CLIC2: variants seen among roughly 807,000 people sequenced by gnomAD.
CLIC2 encodes chloride intracellular channel protein 2.
Under a neutral mutation model 14.8 loss-of-function variants are expected in CLIC2, and 9 were observed. The observed-to-expected ratio is 0.61, with a 90% CI of 0.37 to 1.06. CLIC2 has a LOEUF of 1.06. CLIC2 is among the 50% of genes least tolerant of loss of function. The probability of loss-of-function intolerance (pLI) is 0.01; values close to 1 mark genes in which losing one functional copy is unlikely to be tolerated. For synonymous variants in CLIC2, 61 were observed against 66.3 expected, an observed-to-expected ratio of 0.92 and a Z score of 0.39; for missense variants, 148 against 181.4, an observed-to-expected ratio of 0.82 and a Z score of 1.06.
Position 155,282,324 on chromosome X carries a change from CCTT to C in CLIC2, c.294-2259_294-2257del, listed in dbSNP as rs202063774. 1.0e-3 allele frequency among the ~76,000 whole-genome samples: 114 copies of C among 111,794 alleles called. No individual in the cohort carries two copies. In the East Asian group the frequency reaches 0.02, roughly 20 times the overall value. On this transcript the variant is annotated intron_variant, in intron 3 of 5. Coordinates refer to ENST00000369449, the MANE Select transcript of CLIC2 (RefSeq NM_001289.6). ...CTTCTCTTTTTTGCTTTATTTTTCACCTTAGCAGGACAGTTTTAAATTACCTGT... is the reference window on the plus strand; with the variant it reads ...CTTCTCTTTTTTGCTTTATTTTTCACAGCAGGACAGTTTTAAATTACCTGT...
chrX:155,316,561 A>G (rs889113423), intron 1 of CLIC2, among the ~76,000 whole-genome samples: 1 of 111,436 alleles, frequency 9.0e-6, no homozygotes, highest in Non-Finnish European at 1.9e-5. Flanking sequence ...GTTTGAACTG[A>G]ACGATAACAG....
intron 1 of CLIC2, among the ~76,000 whole-genome samples, chrX:155,333,130 T>C (rs1418400539): frequency 8.9e-6 from 1 of 111,900 alleles, no homozygotes; most frequent in Non-Finnish European, 1.9e-5. Context: ...ATGTCCTTGG[T>C]GTATATATGT....
chrX:155,313,657 G>A (rs1180457714), intron 1 of CLIC2, among the ~76,000 whole-genome samples: 1 of 112,409 alleles, frequency 8.9e-6, no homozygotes, highest in East Asian at 2.8e-4. Flanking sequence ...AAGTACCACA[G>A]CAACATTCCA....
chrX:155,318,754 GA>G (rs1488215701), intron 1 of CLIC2, among the ~76,000 whole-genome samples: 1 of 111,729 alleles, frequency 9.0e-6, no homozygotes, highest in Admixed American at 9.5e-5. Flanking sequence ...CATAGCAAAA[GA>G]AAGACTAAGC....
intron 1 of CLIC2, among the ~76,000 whole-genome samples, chrX:155,305,622 A>G (rs1454413499): frequency 1.8e-5 from 2 of 112,635 alleles, no homozygotes; most frequent in African/African-American, 3.2e-5. Context: ...CCTTTCTGAA[A>G]GGTGCCTTTC....
intron 1 of CLIC2, among the ~76,000 whole-genome samples, chrX:155,323,959 A>G (rs1226139227): frequency 8.9e-6 from 1 of 112,105 alleles, no homozygotes; most frequent in African/African-American, 3.2e-5. Flanking sequence ...TAGAAATACA[A>G]CTTACAAGGG....
At chrX:155,327,530 T>C (rs1557322454) in intron 1 of CLIC2, among the ~76,000 whole-genome samples, 1 of 111,136 alleles carries the variant, frequency 9.0e-6, no homozygotes, top group Non-Finnish European at 1.9e-5. Context: ...ATCATGTCCT[T>C]TATAGGAACA....
At chrX:155,318,145 C>T (rs2075101315) in intron 1 of CLIC2, among the ~76,000 whole-genome samples, 1 of 111,265 alleles carries the variant, frequency 9.0e-6, no homozygotes, top group Non-Finnish European at 1.9e-5. Flanking sequence ...AGAACTGGAA[C>T]AAGACAATGA....
intron 1 of CLIC2, among the ~76,000 whole-genome samples, chrX:155,319,110 G>C (rs781946019): frequency 2.7e-5 from 3 of 112,161 alleles, no homozygotes; most frequent in South Asian, 7.4e-4. Flanking sequence ...AAAAATTCTA[G>C]AAGAAAACAT....
At chrX:155,320,112 G>T (rs5983776) in intron 1 of CLIC2, among the ~76,000 whole-genome samples, 158 of 112,534 alleles carry the variant, frequency 1.4e-3, no homozygotes, top group African/African-American at 5.0e-3. Context: ...CCAGGGGGAA[G>T]GGGTGGCTGT....
At chrX:155,322,599 C>T (rs142799354) in intron 1 of CLIC2, among the ~76,000 whole-genome samples, 2,907 of 111,347 alleles carry the variant, frequency 0.026, 43 homozygotes, top group South Asian at 0.042. Context: ...CATCAGAAAG[C>T]GGGAAAGATT....
rs1349510892 is a variant in CLIC2, at chrX:155,299,846, G to C, written c.58-701C>G. 2.9e-5 allele frequency among the ~76,000 whole-genome samples: 3 copies of C among 104,055 alleles called. No individual in the cohort carries two copies. In the East Asian group the frequency reaches 9.3e-4, roughly 32 times the overall value. 90.4% of individuals were successfully genotyped at this position (104,055 alleles called of 115,157 possible). A position where few individuals can be genotyped will look rare whatever the true frequency, so the allele number is the denominator to read the frequency against. Reference sequence around the variant, plus strand: ...GCGGTGTTTGGTTTTTTGTTCTTGCGATAGTTTACTGAGAATGATGATTTC... The same window carrying C: ...GCGGTGTTTGGTTTTTTGTTCTTGCCATAGTTTACTGAGAATGATGATTTC... On this transcript the variant is annotated intron_variant, in intron 1 of 5. Coordinates refer to ENST00000369449, the MANE Select transcript of CLIC2 (RefSeq NM_001289.6).
rs782734926 is a variant in CLIC2 at position 155,297,948 on chromosome X, T to C, written c.293+837A>G. ...TTTAGAGGAAGAGAACAATCAGCCA[T>C]GTTGCGAAATGCCTATACAGAGGGG... On this transcript the variant is annotated intron_variant, in intron 3 of 5. Coordinates refer to ENST00000369449, the MANE Select transcript of CLIC2 (RefSeq NM_001289.6). Among the ~76,000 whole-genome samples the C allele has an allele frequency of 4.1e-3, 431 of 104,825 alleles. 5 individuals carry two copies. Among genetic ancestry groups the C allele is most frequent in the South Asian group, 0.031 (69 of 2,231 alleles). 91.0% of individuals were successfully genotyped at this position (104,825 alleles called of 115,157 possible).
chrX:155,319,457 C>G (rs1449405435), intron 1 of CLIC2, among the ~76,000 whole-genome samples: 1 of 111,849 alleles, frequency 8.9e-6, no homozygotes, highest in East Asian at 2.8e-4. Flanking sequence ...CACAAGGGGT[C>G]GGGGAACTCC....
intron 1 of CLIC2, among the ~76,000 whole-genome samples, chrX:155,306,398 A>G (rs1341076058): frequency 1.8e-5 from 2 of 111,803 alleles, no homozygotes; most frequent in Non-Finnish European, 3.8e-5. Context: ...CCCTCACCAG[A>G]ATCAGATGCC....
chrX:155,319,977 G>A (rs964665481), intron 1 of CLIC2, among the ~76,000 whole-genome samples: 3 of 112,652 alleles, frequency 2.7e-5, no homozygotes, highest in South Asian at 3.6e-4. Flanking sequence ...ACTGCAGCTC[G>A]GCAAAGCCGC....
chrX:155,330,231 G>A (rs1290938471), intron 1 of CLIC2, among the ~76,000 whole-genome samples: 3 of 111,674 alleles, frequency 2.7e-5, no homozygotes, highest in Middle Eastern at 4.6e-3. Flanking sequence ...AATGCTTGAG[G>A]GGATGAATAT....
At chrX:155,291,253 A>G in intron 3 of CLIC2, 1 of 934,328 alleles carries the variant, frequency 1.1e-6, no homozygotes, top group Non-Finnish European at 1.5e-6. Context: ...GGCTGACTAT[A>G]TATGATCCAA....
chrX:155,330,520 A>C (rs1206033741), intron 1 of CLIC2, among the ~76,000 whole-genome samples: 3 of 111,522 alleles, frequency 2.7e-5, no homozygotes, highest in Admixed American at 1.9e-4. Flanking sequence ...TGAAATGAAA[A>C]AGAATGACCA....
Sources: gnomAD v4.1 joint callset for allele counts (sites outside exome capture counted in the v4.1 genomes callset) on GRCh38, gnomAD v4.1.1 for gene constraint, MANE v1.5 for transcripts, NCBI Gene and HGNC (gene_info 2026-07-23, HGNC 2026-07-21) for gene names.